CDK14: variants seen among roughly 807,000 people sequenced by gnomAD.
CDK14 encodes the protein cyclin-dependent kinase 14.
Under a neutral mutation model 60.7 loss-of-function variants are expected in CDK14, and 34 were observed. The observed-to-expected ratio is 0.56, with a 90% CI of 0.43 to 0.75. The LOEUF is 0.75. CDK14 is among the 30% of genes least tolerant of loss of function. CDK14 has a pLI of 0.00. For synonymous variants in CDK14, 197 were observed against 203.7 expected, an observed-to-expected ratio of 0.97 and a Z score of 0.28; for missense variants, 482 against 564.1, an observed-to-expected ratio of 0.85 and a Z score of 1.47.
intron 5 of CDK14, among the ~76,000 whole-genome samples, chr7:90,819,679 G>A (rs1789474714): frequency 6.6e-6 from 1 of 152,018 alleles, no homozygotes; most frequent in African/African-American, 2.4e-5. Flanking sequence ...TTTTTTGATA[G>A]CTTTCAGTTT....
chr7:90,828,446 T>C (rs1027896986), intron 5 of CDK14, among the ~76,000 whole-genome samples: 2 of 152,260 alleles, frequency 1.3e-5, no homozygotes, highest in Non-Finnish European at 2.9e-5. Context: ...ATCTGCATTC[T>C]TCTGAATCGG....
intron 2 of CDK14, among the ~76,000 whole-genome samples, chr7:90,630,975 A>T (rs1013736889): frequency 6.6e-6 from 1 of 151,202 alleles, no homozygotes; most frequent in Non-Finnish European, 1.5e-5. Flanking sequence ...TTCTTTTTAT[A>T]TTACATTTTG....
intron 14 of CDK14, among the ~76,000 whole-genome samples, chr7:91,173,880 A>T (rs1393875981): frequency 6.6e-6 from 1 of 151,778 alleles, no homozygotes; most frequent in Admixed American, 6.6e-5. Flanking sequence ...AGGCTGGGGG[A>T]GGGGCACCCG....
At chr7:90,700,743 A>G (rs995703468) in intron 2 of CDK14, among the ~76,000 whole-genome samples, 1 of 152,146 alleles carries the variant, frequency 6.6e-6, no homozygotes, top group East Asian at 1.9e-4. Flanking sequence ...TAAAGTGAAA[A>G]TCTGCCAATT....
chr7:91,197,589 A>G (rs1802586787), intron 14 of CDK14, among the ~76,000 whole-genome samples: 1 of 152,210 alleles, frequency 6.6e-6, no homozygotes, highest in Non-Finnish European at 1.5e-5. Context: ...GAACTTCTTA[A>G]AAATTTGAGT....
intron 2 of CDK14, among the ~76,000 whole-genome samples, chr7:90,647,509 T>TC (rs1800494444): frequency 1.6e-5 from 1 of 63,416 alleles, no homozygotes; most frequent in Admixed American, 1.8e-4. Context: ...TATTTTTTTA[T>TC]CTTTTTTTTT....
chr7:90,989,364 C>A (rs879881859), intron 10 of CDK14, among the ~76,000 whole-genome samples: 1 of 152,122 alleles, frequency 6.6e-6, no homozygotes. Flanking sequence ...ATCATCATTA[C>A]CATTACTGGA....
intron 2 of CDK14, among the ~76,000 whole-genome samples, chr7:90,616,085 T>C (rs1346905363): frequency 6.6e-6 from 1 of 152,232 alleles, no homozygotes; most frequent in Non-Finnish European, 1.5e-5. Context: ...TGCTTTCTGA[T>C]TTTTGATTCA....
At chr7:91,202,061 C>T (rs1429226555) in intron 14 of CDK14, among the ~76,000 whole-genome samples, 1 of 152,128 alleles carries the variant, frequency 6.6e-6, no homozygotes, top group Non-Finnish European at 1.5e-5. Flanking sequence ...CAGGCAGACT[C>T]TCTCCCACAG....
chr7:90,819,853 G>A (rs552884936), intron 5 of CDK14, among the ~76,000 whole-genome samples: 1 of 152,224 alleles, frequency 6.6e-6, no homozygotes, highest in Admixed American at 6.5e-5. Context: ...AGTAATTCAA[G>A]CATAGGAATT....
At chr7:91,168,911 C>T (rs1000141918) in intron 14 of CDK14, among the ~76,000 whole-genome samples, 4 of 152,272 alleles carry the variant, frequency 2.6e-5, no homozygotes, top group South Asian at 2.1e-4. Flanking sequence ...AGCCATGATC[C>T]GGCCCCCTCC....
intron 8 of CDK14, among the ~76,000 whole-genome samples, chr7:90,919,023 C>T (rs780908290): frequency 2.6e-5 from 4 of 152,004 alleles, no homozygotes; most frequent in Non-Finnish European, 5.9e-5. Context: ...CACTAGGTGG[C>T]TGGGTATAAA....
intron 2 of CDK14, among the ~76,000 whole-genome samples, chr7:90,696,561 C>T (rs1206631380): frequency 2.0e-5 from 3 of 152,008 alleles, no homozygotes; most frequent in Non-Finnish European, 4.4e-5. Flanking sequence ...GTGATCCGCC[C>T]ACCTCAGCCG....
At chr7:91,025,252 G>T (rs991163896) in intron 10 of CDK14, among the ~76,000 whole-genome samples, 12 of 152,086 alleles carry the variant, frequency 7.9e-5, no homozygotes, top group Admixed American at 5.9e-4. Context: ...GGTTGTACCT[G>T]GCACTTTGTT....
chr7:91,008,610 A>G (rs1426803894), intron 10 of CDK14, among the ~76,000 whole-genome samples: 4 of 152,146 alleles, frequency 2.6e-5, no homozygotes, highest in Non-Finnish European at 5.9e-5. Context: ...GGAACATATC[A>G]AAGTGAGTGG....
At chr7:90,804,766 A>G (rs115550560) in intron 5 of CDK14, among the ~76,000 whole-genome samples, 1,959 of 152,266 alleles carry the variant, frequency 0.013, 58 homozygotes, top group African/African-American at 0.045. Context: ...TAAAAAATTT[A>G]TATGACATTT....
At chr7:90,911,888 A>C (rs1419438464) in intron 7 of CDK14, among the ~76,000 whole-genome samples, 1 of 152,130 alleles carries the variant, frequency 6.6e-6, no homozygotes, top group Non-Finnish European at 1.5e-5. Context: ...GGAATAGAGG[A>C]AGTGTTAAGG....
intron 4 of CDK14, among the ~76,000 whole-genome samples, chr7:90,776,603 C>T (rs1285298394): frequency 1.3e-5 from 2 of 152,176 alleles, no homozygotes; most frequent in African/African-American, 4.8e-5. Context: ...CAAGCACTCA[C>T]CTCCTGATAT....
chr7:90,615,782 C>T (rs1799639299), intron 2 of CDK14, among the ~76,000 whole-genome samples: 1 of 152,120 alleles, frequency 6.6e-6, no homozygotes, highest in African/African-American at 2.4e-5. Flanking sequence ...TTCTATAAAG[C>T]AGTGATGGGC....
Sources: allele counts gnomAD v4.1 joint callset (sites outside exome capture counted in the v4.1 genomes callset), GRCh38; gene constraint gnomAD v4.1.1; transcripts MANE v1.5; gene names NCBI Gene and HGNC (gene_info 2026-07-23, HGNC 2026-07-21).